The following MMP16 variants were observed in gnomAD, a reference collection of about 807,000 sequenced individuals.
The protein encoded by MMP16 is matrix metallopeptidase 16, also known as matrix metalloproteinase-16.
A neutral mutation model predicts 67.8 loss-of-function variants in MMP16; 12 were observed. That is an observed-to-expected ratio of 0.18 (90% CI 0.11 to 0.29). The LOEUF is 0.29. MMP16 is among the 10% of genes least tolerant of loss of function. MMP16 has a pLI of 1.00. For missense variants in MMP16, 475 were observed against 765.7 expected (o/e 0.62, Z 4.48); for synonymous variants, 249 against 255.9 (o/e 0.97, Z 0.26).
chr8:88,258,256 CT>C (rs1306461056), intron 1 of MMP16, among the ~76,000 whole-genome samples: 1 of 152,126 alleles, frequency 6.6e-6, no homozygotes, highest in African/African-American at 2.4e-5. Context: ...ATAAAATTTC[CT>C]TTTCTTGCCA....
chr8:88,298,523 C>T (rs1811046316), intron 1 of MMP16, among the ~76,000 whole-genome samples: 1 of 152,114 alleles, frequency 6.6e-6, no homozygotes, highest in Non-Finnish European at 1.5e-5. Flanking sequence ...CATGAAAAAT[C>T]ACACGAGAGG....
At chr8:88,048,429 T>G (rs1808225984) in intron 8 of MMP16, among the ~76,000 whole-genome samples, 1 of 138,516 alleles carries the variant, frequency 7.2e-6, no homozygotes, top group African/African-American at 2.9e-5. Context: ...GTTTATATTT[T>G]GAATGGTCAC....
intron 1 of MMP16, among the ~76,000 whole-genome samples, chr8:88,243,462 C>T (rs1370260709): frequency 2.6e-5 from 4 of 152,118 alleles, no homozygotes; most frequent in Non-Finnish European, 4.4e-5. Context: ...ACAGTAGTCC[C>T]GGTCATTCTT....
At chr8:88,156,123 A>G (rs187418988) in intron 4 of MMP16, among the ~76,000 whole-genome samples, 8 of 152,230 alleles carry the variant, frequency 5.3e-5, no homozygotes, top group Admixed American at 5.2e-4. Context: ...TTTCTTCTTT[A>G]TGCATCTTTG....
At chr8:88,312,420 G>C (rs1373098784) in intron 1 of MMP16, among the ~76,000 whole-genome samples, 6 of 152,090 alleles carry the variant, frequency 3.9e-5, no homozygotes, top group Non-Finnish European at 1.5e-5. Context: ...TGGTTACTAA[G>C]AACCGGATTA....
chr8:88,274,768 G>C (rs1810618775), intron 1 of MMP16, among the ~76,000 whole-genome samples: 1 of 151,758 alleles, frequency 6.6e-6, no homozygotes, highest in South Asian at 2.1e-4. Flanking sequence ...TATAACTCAA[G>C]GTGATTTTAT....
chr8:88,059,486 A>T (rs1033670453), intron 7 of MMP16, among the ~76,000 whole-genome samples: 1 of 152,098 alleles, frequency 6.6e-6, no homozygotes, highest in African/African-American at 2.4e-5. Flanking sequence ...TCATCTGAAT[A>T]CCTTTCTTAT....
rs189666500 is a variant in MMP16 at position 88,056,118 on chromosome 8, G to C, written c.1373+10C>G. On this transcript the variant is annotated intron_variant, in intron 8 of 9. Transcript: ENST00000286614. ...ATTAACTGTTTTTCTCATGAGAAGT[G>C]TATACTGACCTGTCTCCCTTGAAGA... The C allele has an allele frequency of 6.6e-7, 1 of 1,513,756 alleles. No homozygotes were observed. The highest frequency in any genetic ancestry group is 8.9e-7 in the Non-Finnish European group (1 of 1,124,216). 93.8% of individuals were successfully genotyped at this position (1,513,756 alleles called of 1,614,324 possible).
intron 4 of MMP16, among the ~76,000 whole-genome samples, chr8:88,145,847 T>A (rs890808609): frequency 6.6e-6 from 1 of 151,972 alleles, no homozygotes. Context: ...ACTGAAGATA[T>A]TTGGTTGTTG....
intron 4 of MMP16, among the ~76,000 whole-genome samples, chr8:88,136,696 C>A (rs565070011): frequency 1.3e-5 from 2 of 151,410 alleles, no homozygotes; most frequent in East Asian, 3.9e-4. Context: ...AAAATGAATT[C>A]ATATTTAATA....
intron 1 of MMP16, among the ~76,000 whole-genome samples, chr8:88,261,190 C>T (rs1159993765): frequency 6.6e-6 from 1 of 152,028 alleles, no homozygotes; most frequent in Non-Finnish European, 1.5e-5. Flanking sequence ...TCAAGAACAC[C>T]ACTATAAACA....
At chr8:88,255,279 T>C (rs894314254) in intron 1 of MMP16, among the ~76,000 whole-genome samples, 3 of 152,176 alleles carry the variant, frequency 2.0e-5, no homozygotes, top group African/African-American at 7.2e-5. Flanking sequence ...TCTTTCACCA[T>C]GTAATACACC....
chr8:88,211,505 G>C (rs1809512507), intron 1 of MMP16, among the ~76,000 whole-genome samples: 1 of 152,262 alleles, frequency 6.6e-6, no homozygotes, highest in Admixed American at 6.5e-5. Flanking sequence ...GAGTATACAA[G>C]TGTACAATGA....
Position 88,040,616 on chromosome 8 carries a change from A to G in MMP16, c.*845T>C, listed in dbSNP as rs1417932496. The G allele has an allele frequency of 6.6e-6, 1 of 152,584 alleles. No individual in the cohort carries two copies. The highest frequency in any genetic ancestry group is 1.5e-5 in the Non-Finnish European group (1 of 68,038). 9.5% of individuals were successfully genotyped at this position (152,584 alleles called of 1,614,324 possible). On this transcript the variant is annotated 3_prime_UTR_variant, in exon 10 of 10. Coordinates refer to ENST00000286614, the MANE Select transcript of MMP16 (RefSeq NM_005941.5). ...AATACAACTTGGGAAGATTATCACA[A>G]TGATGGAGGAGTAAGGTGGAAAGAA...
Position 88,037,171 on chromosome 8 carries a change from A to G in MMP16, c.*4290T>C, listed in dbSNP as rs2118172143. 1 of 150,836 alleles carries G rather than the reference A, an allele frequency of 6.6e-6. No individual in the cohort carries two copies. The highest frequency in any genetic ancestry group is 1.5e-5 in the Non-Finnish European group (1 of 67,510). The allele number at this position is 150,836 out of a possible 1,614,324, so 9.3% of individuals were successfully genotyped here. ...AACTTGCAAATATGACTACCCCTAC[A>G]ATCCAGTTTACACACCATCATCTAT... On this transcript the variant is annotated 3_prime_UTR_variant, in exon 10 of 10. Transcript: ENST00000286614.
chr8:88,149,294 G>A (rs911264962), intron 4 of MMP16, among the ~76,000 whole-genome samples: 4 of 152,192 alleles, frequency 2.6e-5, no homozygotes, highest in African/African-American at 7.2e-5. Flanking sequence ...AGGGGCGCCC[G>A]CCATTGCCCA....
At chr8:88,056,695 T>C (rs1179665688) in intron 7 of MMP16, among the ~76,000 whole-genome samples, 1 of 152,124 alleles carries the variant, frequency 6.6e-6, no homozygotes, top group Non-Finnish European at 1.5e-5. Flanking sequence ...GGCTTAGTGA[T>C]TATAACTTCT....
chr8:88,140,131 G>A (rs1442801962), intron 4 of MMP16, among the ~76,000 whole-genome samples: 1 of 152,070 alleles, frequency 6.6e-6, no homozygotes, highest in Non-Finnish European at 1.5e-5. Context: ...ACTTGACTGA[G>A]GCTGGAGTCT....
At chr8:88,178,968 G>C (rs1365771475) in intron 3 of MMP16, among the ~76,000 whole-genome samples, 3 of 151,920 alleles carry the variant, frequency 2.0e-5, no homozygotes, top group Admixed American at 6.6e-5. Context: ...ATGAAAAAGA[G>C]AACGGAATAT....
Sources: gnomAD v4.1 joint callset for allele counts (sites outside exome capture counted in the v4.1 genomes callset) on GRCh38, gnomAD v4.1.1 for gene constraint, MANE v1.5 for transcripts, NCBI Gene and HGNC (gene_info 2026-07-23, HGNC 2026-07-21) for gene names.